Variants in EPB41L3 observed in about 807,000 individuals in gnomAD.
The protein encoded by EPB41L3 is band 4.1-like protein 3.
EPB41L3 carries 57 observed loss-of-function variants against 127.1 expected under a neutral mutation model. The observed-to-expected ratio is 0.45, with a 90% CI of 0.36 to 0.56. EPB41L3 has a LOEUF of 0.56. Among genes scored for constraint, EPB41L3 ranks in the 20% least tolerant of loss-of-function variants. The pLI is 0.00. For synonymous variants in EPB41L3, 572 were observed against 549.5 expected, an observed-to-expected ratio of 1.04 and a Z score of -0.57; for missense variants, 1,273 against 1,372.2, an observed-to-expected ratio of 0.93 and a Z score of 1.14.
intron 3 of EPB41L3, among the ~76,000 whole-genome samples, chr18:5,604,565 T>C (rs1014653799): frequency 4.6e-5 from 7 of 152,122 alleles, no homozygotes; most frequent in Non-Finnish European, 7.4e-5. Context: ...GTGATTCTTG[T>C]GTCTCAGCCA....
intron 3 of EPB41L3, among the ~76,000 whole-genome samples, chr18:5,474,135 G>T (rs1484396936): frequency 6.6e-6 from 1 of 152,028 alleles, no homozygotes; most frequent in Non-Finnish European, 1.5e-5. Context: ...GGAGGCTGAG[G>T]CAGGAGAATG....
intron 3 of EPB41L3, among the ~76,000 whole-genome samples, chr18:5,469,247 G>A (rs1368760221): frequency 6.6e-6 from 1 of 152,218 alleles, no homozygotes; most frequent in Non-Finnish European, 1.5e-5. Flanking sequence ...GCCTCCCTGA[G>A]CCAGGGCTGT....
At chr18:5,490,631 CA>C (rs1568407621) in intron 1 of EPB41L3, among the ~76,000 whole-genome samples, 1 of 152,080 alleles carries the variant, frequency 6.6e-6, no homozygotes, top group Non-Finnish European at 1.5e-5. Flanking sequence ...GGTAGTGATG[CA>C]AATAAAATGA....
Position 5,406,662 on chromosome 18 carries a change from ATAGG to A in EPB41L3, c.2349+111_2349+114del, listed in dbSNP as rs1304826225. The A allele has an allele frequency of 4.2e-6, 4 of 941,624 alleles. No individual in the cohort carries two copies. In the African/African-American group the frequency reaches 6.6e-5, roughly 16 times the overall value. The allele number at this position is 941,624 out of a possible 1,614,324, so 58.3% of individuals were successfully genotyped here. ...CTGAGCATCTCAGCTCAGGTTAAAC[ATAGG>A]TAGGAAGAGAGATTTTCTACCCAGA... On this transcript the variant is annotated intron_variant, in intron 16 of 22. Transcript: ENST00000341928.
At chr18:5,418,197 G>T (rs566027550) in intron 12 of EPB41L3, among the ~76,000 whole-genome samples, 48 of 152,242 alleles carry the variant, frequency 3.2e-4, no homozygotes, top group Admixed American at 6.5e-4. Flanking sequence ...AAGACATTCT[G>T]CCCAGAGTGC....
intron 3 of EPB41L3, chr18:5,466,279 TAA>T (rs950568681): frequency 6.6e-6 from 1 of 152,164 alleles, no homozygotes; most frequent in African/African-American, 2.4e-5. Context: ...CCTTTTGTGA[TAA>T]AAGTCAAAAA....
intron 1 of EPB41L3, among the ~76,000 whole-genome samples, chr18:5,500,906 G>A (rs1266893226): frequency 6.6e-6 from 1 of 152,082 alleles, no homozygotes; most frequent in Non-Finnish European, 1.5e-5. Flanking sequence ...TTATCTCTGT[G>A]GTTACCTCCT....
rs2073688629 is a variant in EPB41L3, at chr18:5,397,233, A to T, written c.2666T>A (p.Ile889Asn). 1.9e-6 allele frequency: 3 copies of T among 1,613,808 alleles called. No individual in the cohort carries two copies. Among genetic ancestry groups the T allele is most frequent in the African/African-American group, 2.7e-5 (2 of 74,846 alleles). ...DAAAQPAFTGIKGKEGSALTE... is the reference protein window; with the variant it reads ...DAAAQPAFTGNKGKEGSALTE... ...CAAGGCAGAGCCCTCTTTCCCTTTA[A>T]TGCCTGTGAATGCGGGCTGTGCTGC... The change falls in exon 18 of 23, where the codon ATT (isoleucine) becomes AAT (asparagine). Residue 889 changes from isoleucine (I) to asparagine (N), a missense_variant. Around this residue, in one of 3 missense-constraint regions of EPB41L3, gnomAD observed 765 missense variants for 782.9 expected, o/e 0.98. Transcript: ENST00000341928. The surrounding 1 kb of genome is among the most constrained non-coding windows in gnomAD (Gnocchi z 4.1).
rs571328575 is a variant in EPB41L3, at chr18:5,436,006, T to C, written c.606-1885A>G. ...AGTTTTAAACTGGAGAAATTAACATTTTCCATATAATTTTGCCATATCATA... is the reference window on the plus strand; with the variant it reads ...AGTTTTAAACTGGAGAAATTAACATCTTCCATATAATTTTGCCATATCATA... On this transcript the variant is annotated intron_variant, in intron 6 of 22. Coordinates refer to ENST00000341928, the MANE Select transcript of EPB41L3 (RefSeq NM_012307.5). 1.6e-3 allele frequency among the ~76,000 whole-genome samples: 243 copies of C among 152,318 alleles called. 1 individual carries two copies. Among genetic ancestry groups the C allele is most frequent in the African/African-American group, 5.6e-3 (234 of 41,578 alleles).
At chr18:5,426,561 T>C (rs1331759763) in intron 9 of EPB41L3, among the ~76,000 whole-genome samples, 1 of 152,234 alleles carries the variant, frequency 6.6e-6, no homozygotes, top group Non-Finnish European at 1.5e-5. Context: ...AATATTCACC[T>C]AGTTGTGTCA....
chr18:5,536,469 T>C (rs1598774550), intron 1 of EPB41L3, among the ~76,000 whole-genome samples: 1 of 150,528 alleles, frequency 6.6e-6, no homozygotes, highest in Non-Finnish European at 1.5e-5. Context: ...TTTGCATGCA[T>C]GAAAAAGCTC....
chr18:5,549,707 G>A (rs1252253752), intron 3 of EPB41L3, among the ~76,000 whole-genome samples: 1 of 152,140 alleles, frequency 6.6e-6, no homozygotes, highest in Admixed American at 6.5e-5. Flanking sequence ...CCAGGGAGCA[G>A]CCATTTTTAA....
chr18:5,480,540 T>A (rs2088243027), intron 2 of EPB41L3, among the ~76,000 whole-genome samples: 1 of 152,210 alleles, frequency 6.6e-6, no homozygotes, highest in Non-Finnish European at 1.5e-5. Context: ...CATGTTCTAA[T>A]CGTTACTATG....
At chr18:5,606,276 G>T (rs2094650782) in intron 3 of EPB41L3, among the ~76,000 whole-genome samples, 1 of 152,120 alleles carries the variant, frequency 6.6e-6, no homozygotes, top group South Asian at 2.1e-4. Context: ...GGGCAGGTGG[G>T]TTATATCGAT....
chr18:5,507,952 C>T (rs1231507347), intron 1 of EPB41L3, among the ~76,000 whole-genome samples: 1 of 152,184 alleles, frequency 6.6e-6, no homozygotes, highest in Non-Finnish European at 1.5e-5. Context: ...CTTTTGTGCA[C>T]TTGTCATTTC....
At chr18:5,612,744 T>C (rs1030556334) in intron 2 of EPB41L3, among the ~76,000 whole-genome samples, 43 of 152,224 alleles carry the variant, frequency 2.8e-4, no homozygotes. Flanking sequence ...CAAACACATT[T>C]TTGTTTTGTT....
At chr18:5,525,699 G>A (rs527753732) in intron 1 of EPB41L3, among the ~76,000 whole-genome samples, 134 of 152,196 alleles carry the variant, frequency 8.8e-4, no homozygotes, top group African/African-American at 3.2e-3. Flanking sequence ...TGTAATATAT[G>A]AAATGAGAAT....
At chr18:5,508,466 T>G (rs1050287070) in intron 1 of EPB41L3, among the ~76,000 whole-genome samples, 2 of 152,278 alleles carry the variant, frequency 1.3e-5, no homozygotes, top group South Asian at 4.1e-4. Flanking sequence ...CTGCTTCTTA[T>G]GTATAAGAAT....
At chr18:5,566,324 A>G (rs1010196511) in intron 3 of EPB41L3, among the ~76,000 whole-genome samples, 31 of 152,254 alleles carry the variant, frequency 2.0e-4, no homozygotes, top group African/African-American at 7.2e-4. Context: ...ACCAATAACA[A>G]ACAGAGAGCC....
Sources: gnomAD v4.1 joint callset for allele counts (sites outside exome capture counted in the v4.1 genomes callset) on GRCh38, gnomAD v4.1.1 for gene constraint, gnomAD v4.1.1 regional missense constraint, Gnocchi (gnomAD v3.1) non-coding constraint, MANE v1.5 for transcripts, NCBI Gene and HGNC (gene_info 2026-07-23, HGNC 2026-07-21) for gene names.